The following STXBP5L variants were observed in gnomAD, a reference collection of about 807,000 sequenced individuals.
STXBP5L encodes syntaxin-binding protein 5-like.
STXBP5L carries 65 observed loss-of-function variants against 144.5 expected under a neutral mutation model. The observed-to-expected ratio is 0.45, with a 90% CI of 0.37 to 0.55. The LOEUF (loss-of-function observed/expected upper bound fraction) is 0.55, where lower values mean the gene tolerates loss of function less well. Among genes scored for constraint, STXBP5L ranks in the 20% least tolerant of loss-of-function variants. The pLI, the probability that STXBP5L is intolerant of heterozygous loss-of-function variation, is 0.00. For synonymous variants in STXBP5L, 505 were observed against 469.6 expected (o/e 1.08, Z -0.97); for missense variants, 1,298 against 1,405.5 (o/e 0.92, Z 1.22).
chr3:121,128,834 G>A lies in STXBP5L; in HGVS notation c.669+7130G>A, dbSNP rs558806866. ...ATGGAAAATCACAATATCTCATCAG[G>A]TTTTCAAATATAAGTTAGTTTGCAG... On this transcript the variant is annotated intron_variant, in intron 7 of 26. Transcript: ENST00000471454. Among the ~76,000 whole-genome samples, 15 of 152,102 alleles carry A rather than the reference G, an allele frequency of 9.9e-5. No homozygotes were observed. In the East Asian group the frequency reaches 1.4e-3, roughly 14 times the overall value.
chr3:121,176,002 C>A (rs1188658396), intron 9 of STXBP5L, among the ~76,000 whole-genome samples: 1 of 151,982 alleles, frequency 6.6e-6, no homozygotes, highest in African/African-American at 2.4e-5. Flanking sequence ...AAAGGCATTT[C>A]TCAAGAAGAC....
chr3:121,054,424 G>T (rs1440446239), intron 5 of STXBP5L, among the ~76,000 whole-genome samples: 2 of 152,078 alleles, frequency 1.3e-5, no homozygotes, highest in African/African-American at 4.8e-5. Context: ...AAAAGGATGA[G>T]TTCATGTCCT....
intron 14 of STXBP5L, among the ~76,000 whole-genome samples, chr3:121,246,193 C>T (rs73191452): frequency 0.14 from 20,940 of 152,130 alleles, 1,685 homozygotes; most frequent in Non-Finnish European, 0.19. Context: ...CATAGGAGTA[C>T]GAACCCTATT....
At chr3:121,104,466 C>A (rs1178906175) in intron 5 of STXBP5L, among the ~76,000 whole-genome samples, 1 of 152,136 alleles carries the variant, frequency 6.6e-6, no homozygotes, top group Non-Finnish European at 1.5e-5. Context: ...AAGAACAAAT[C>A]TGGAGGCATC....
At chr3:121,275,432 T>A (rs1485660569) in intron 18 of STXBP5L, among the ~76,000 whole-genome samples, 1 of 152,184 alleles carries the variant, frequency 6.6e-6, no homozygotes, top group Non-Finnish European at 1.5e-5. Flanking sequence ...ATAATTATAA[T>A]TTTTAATGTA....
At chr3:121,171,026 GC>G (rs1159766414) in intron 9 of STXBP5L, among the ~76,000 whole-genome samples, 3 of 152,280 alleles carry the variant, frequency 2.0e-5, no homozygotes, top group Admixed American at 2.0e-4. Context: ...GGGAAGCAAG[GC>G]TGGTTCAACA....
At position 120,978,332 on chromosome 3, in the gene STXBP5L, C is replaced by T. The variant is rs544706714; in HGVS notation, c.287+23295C>T. On this transcript the variant is annotated intron_variant, in intron 3 of 26. Coordinates refer to ENST00000471454, the MANE Select transcript of STXBP5L (RefSeq NM_001308330.2). ...GCTGATACCCTTTCTTCCAGTTGTT[C>T]GCATCAGCTCTTGAGGCTTCTGCAT... Among the ~76,000 whole-genome samples the T allele has an allele frequency of 7.9e-5, 12 of 152,314 alleles. No homozygotes were observed. In the East Asian group the frequency reaches 9.6e-4, roughly 12 times the overall value.
chr3:121,307,755 A>G (rs535312573), intron 19 of STXBP5L, among the ~76,000 whole-genome samples: 1 of 152,292 alleles, frequency 6.6e-6, no homozygotes, highest in African/African-American at 2.4e-5. Context: ...AAGGAGAAAA[A>G]TATTTGAAGA....
intron 5 of STXBP5L, among the ~76,000 whole-genome samples, chr3:121,091,572 G>A (rs1320878040): frequency 6.6e-6 from 1 of 152,164 alleles, no homozygotes; most frequent in Non-Finnish European, 1.5e-5. Flanking sequence ...CTGCATAAAT[G>A]TCTTCTTTTG....
At chr3:121,197,647 C>A (rs2047973095) in intron 9 of STXBP5L, among the ~76,000 whole-genome samples, 1 of 152,082 alleles carries the variant, frequency 6.6e-6, no homozygotes, top group Non-Finnish European at 1.5e-5. Flanking sequence ...AATACTCTCC[C>A]TCCCCATCAC....
At chr3:121,236,513 G>T (rs1207096715) in intron 12 of STXBP5L, among the ~76,000 whole-genome samples, 1 of 152,046 alleles carries the variant, frequency 6.6e-6, no homozygotes, top group Admixed American at 6.5e-5. Context: ...GAGAAAGAAG[G>T]CAAGAGAGAG....
chr3:121,035,808 T>C (rs1434929383), intron 3 of STXBP5L, among the ~76,000 whole-genome samples: 1 of 152,196 alleles, frequency 6.6e-6, no homozygotes, highest in Non-Finnish European at 1.5e-5. Context: ...ATTGTCATTT[T>C]AATGAATCTA....
chr3:120,936,082 C>G (rs749089185), intron 2 of STXBP5L, among the ~76,000 whole-genome samples: 3 of 152,050 alleles, frequency 2.0e-5, no homozygotes, highest in Non-Finnish European at 4.4e-5. Flanking sequence ...TTGAAAATTT[C>G]TATTGAATTT....
At chr3:121,231,798 C>T (rs2049318747) in intron 11 of STXBP5L, among the ~76,000 whole-genome samples, 1 of 152,150 alleles carries the variant, frequency 6.6e-6, no homozygotes, top group South Asian at 2.1e-4. Flanking sequence ...TCTAATTAGG[C>T]TGTTTCTGTG....
At chr3:120,966,427 T>C (rs1360492189) in intron 3 of STXBP5L, among the ~76,000 whole-genome samples, 1 of 152,204 alleles carries the variant, frequency 6.6e-6, no homozygotes, top group Non-Finnish European at 1.5e-5. Flanking sequence ...TTTATCTACC[T>C]TTGGTATTTA....
intron 14 of STXBP5L, among the ~76,000 whole-genome samples, chr3:121,244,064 A>G (rs1224701463): frequency 1.3e-5 from 2 of 152,050 alleles, no homozygotes; most frequent in Non-Finnish European, 2.9e-5. Flanking sequence ...CTAAATGGGA[A>G]AAGGGTTAAA....
chr3:120,982,848 T>TCA (rs1941921969), intron 3 of STXBP5L, among the ~76,000 whole-genome samples: 1 of 152,086 alleles, frequency 6.6e-6, no homozygotes, highest in African/African-American at 2.4e-5. Flanking sequence ...AGATGGCCCC[T>TCA]TGGATGGTAT....
intron 3 of STXBP5L, among the ~76,000 whole-genome samples, chr3:120,966,821 G>T (rs968757920): frequency 6.6e-6 from 1 of 152,128 alleles, no homozygotes; most frequent in Non-Finnish European, 1.5e-5. Flanking sequence ...GAGAATCACT[G>T]CTCTCTTCAG....
chr3:121,042,593 T>A (rs1301247477), intron 4 of STXBP5L, among the ~76,000 whole-genome samples: 1 of 152,186 alleles, frequency 6.6e-6, no homozygotes, highest in African/African-American at 2.4e-5. Flanking sequence ...TGATCTTTCA[T>A]TCAGTGTCTG....
Sources: gnomAD v4.1 joint callset for allele counts (sites outside exome capture counted in the v4.1 genomes callset) on GRCh38, gnomAD v4.1.1 for gene constraint, MANE v1.5 for transcripts, NCBI Gene and HGNC (gene_info 2026-07-23, HGNC 2026-07-21) for gene names.